DIP2B: variants seen among roughly 807,000 people sequenced by gnomAD.
DIP2B encodes the protein disco-interacting protein 2 homolog B.
Under a neutral mutation model 198.0 loss-of-function variants are expected in DIP2B, and 76 were observed. The ratio of observed to expected loss-of-function variants is 0.38; its 90% CI spans 0.32 to 0.46. The LOEUF is 0.46. Ranked by LOEUF, DIP2B falls within the 20% of genes least tolerant of loss-of-function variation. The probability of loss-of-function intolerance (pLI) is 0.99; values close to 1 mark genes in which losing one functional copy is unlikely to be tolerated. For synonymous variants in DIP2B, 701 were observed against 739.1 expected, an observed-to-expected ratio of 0.95 and a Z score of 0.84; for missense variants, 1,559 against 1,978.4, an observed-to-expected ratio of 0.79 and a Z score of 4.02.
intron 1 of DIP2B, among the ~76,000 whole-genome samples, chr12:50,566,493 T>C (rs1054535674): frequency 2.0e-5 from 3 of 152,224 alleles, no homozygotes; most frequent in Admixed American, 6.5e-5. Flanking sequence ...TCTGTGAATT[T>C]ATGTTTTCCA....
At chr12:50,563,272 C>T (rs1958535215) in intron 1 of DIP2B, among the ~76,000 whole-genome samples, 1 of 151,996 alleles carries the variant, frequency 6.6e-6, no homozygotes, top group Non-Finnish European at 1.5e-5. Flanking sequence ...CTGCAGTCTG[C>T]CCCGCCTGGG....
At chr12:50,587,802 T>A (rs1223022190) in intron 1 of DIP2B, among the ~76,000 whole-genome samples, 1 of 152,236 alleles carries the variant, frequency 6.6e-6, no homozygotes, top group East Asian at 1.9e-4. Context: ...CTGGTTCTTT[T>A]GAATTTATCA....
chr12:50,715,867 T>A (rs1201264673), intron 23 of DIP2B, among the ~76,000 whole-genome samples: 3 of 152,360 alleles, frequency 2.0e-5, no homozygotes, highest in East Asian at 3.9e-4. Context: ...CTGGAATTGA[T>A]AACTAGCAGT....
chr12:50,519,260 TTTC>T (rs1958094146), intron 1 of DIP2B, among the ~76,000 whole-genome samples: 1 of 152,174 alleles, frequency 6.6e-6, no homozygotes, highest in Non-Finnish European at 1.5e-5. Context: ...TTTTATTTCT[TTTC>T]TTATTTCTTA....
intron 1 of DIP2B, among the ~76,000 whole-genome samples, chr12:50,514,063 G>A (rs1593568814): frequency 1.0e-5 from 1 of 97,554 alleles, no homozygotes; most frequent in South Asian, 3.8e-4. Context: ...TCACTCAGTT[G>A]TCTTTTTTTT....
At chr12:50,522,727 C>T (rs943373051) in intron 1 of DIP2B, among the ~76,000 whole-genome samples, 4 of 151,968 alleles carry the variant, frequency 2.6e-5, no homozygotes, top group Non-Finnish European at 2.9e-5. Context: ...TTGAGAATGA[C>T]AAGGAATGTG....
chr12:50,721,249 G>A (rs370133001), intron 25 of DIP2B, 24 bp from the exon 26 acceptor site: 40 of 1,610,796 alleles, frequency 2.5e-5, no homozygotes, highest in Admixed American at 8.4e-5. Flanking sequence ...GCTTTGACCC[G>A]CTTATCCTTT....
intron 20 of DIP2B, among the ~76,000 whole-genome samples, chr12:50,704,722 T>A (rs1008418623): frequency 3.9e-5 from 6 of 152,192 alleles, no homozygotes; most frequent in African/African-American, 1.4e-4. Flanking sequence ...CCCAGCACTT[T>A]GGGAGGCCGA....
Position 50,671,394 on chromosome 12 carries a change from A to G in DIP2B, c.636A>G (p.Arg212=). ...GSLADVFANT[R]IENFSAPPDV... ...TAGCTGATGTATTTGCCAATACTCG[A>G]ATAGGTAGGAGCTGGATCTACCCAA... is the stretch of plus-strand genomic sequence containing the variant. Residue 212 remains arginine (R), a synonymous_variant, in exon 5 of 38, where the codon CGA becomes CGG. Coordinates refer to ENST00000301180, the MANE Select transcript of DIP2B (RefSeq NM_173602.3). 6.2e-7 allele frequency: 1 copy of G among 1,614,152 alleles called. No homozygotes were observed. Among genetic ancestry groups the G allele is most frequent in the Non-Finnish European group, 8.5e-7 (1 of 1,180,006 alleles).
intron 1 of DIP2B, among the ~76,000 whole-genome samples, chr12:50,607,507 C>G (rs955103332): frequency 1.3e-5 from 2 of 152,168 alleles, no homozygotes; most frequent in African/African-American, 4.8e-5. Flanking sequence ...ATTTTTCTTC[C>G]TTTCCTTTTC....
intron 1 of DIP2B, among the ~76,000 whole-genome samples, chr12:50,578,415 A>G (rs1958682593): frequency 6.6e-6 from 1 of 152,130 alleles, no homozygotes; most frequent in African/African-American, 2.4e-5. Context: ...CGTACCTTCT[A>G]AATTTTGACA....
chr12:50,728,246 G>C (rs1241210398), intron 29 of DIP2B, among the ~76,000 whole-genome samples: 6 of 152,078 alleles, frequency 3.9e-5, no homozygotes, highest in Non-Finnish European at 7.4e-5. Flanking sequence ...GGGCGTGGTG[G>C]TGCGTGCCTG....
chr12:50,589,654 A>T (rs1958802004), intron 1 of DIP2B, among the ~76,000 whole-genome samples: 1 of 152,084 alleles, frequency 6.6e-6, no homozygotes, highest in Non-Finnish European at 1.5e-5. Flanking sequence ...TATCTGAAGA[A>T]CTGCAAGAAT....
At chr12:50,702,116 G>A (rs967446502) in intron 19 of DIP2B, among the ~76,000 whole-genome samples, 26 of 152,096 alleles carry the variant, frequency 1.7e-4, no homozygotes, top group Non-Finnish European at 2.8e-4. Context: ...TTGGGAGGCC[G>A]AGGCGGGCGG....
chr12:50,680,810 C>G, intron 9 of DIP2B, 47 bp downstream of exon 9: 1 of 1,457,668 alleles, frequency 6.9e-7, no homozygotes, highest in Non-Finnish European at 9.5e-7. Context: ...TTATTGTTTT[C>G]TAATATGCTA....
At chr12:50,537,732 A>C (rs1180129432) in intron 1 of DIP2B, among the ~76,000 whole-genome samples, 4 of 152,212 alleles carry the variant, frequency 2.6e-5, no homozygotes, top group Non-Finnish European at 5.9e-5. Context: ...AGGAAGCTAG[A>C]GGAGAAAGAA....
chr12:50,659,121 A>G (rs1938602805), intron 3 of DIP2B, among the ~76,000 whole-genome samples: 1 of 152,164 alleles, frequency 6.6e-6, no homozygotes, highest in Non-Finnish European at 1.5e-5. Flanking sequence ...GGCTACCTTA[A>G]ATAGCTGAGG....
intron 2 of DIP2B, among the ~76,000 whole-genome samples, chr12:50,637,336 C>T (rs758841271): frequency 6.6e-6 from 1 of 152,204 alleles, no homozygotes; most frequent in Non-Finnish European, 1.5e-5. Context: ...CTTTTCTAGT[C>T]CAGTCTCATT....
intron 1 of DIP2B, among the ~76,000 whole-genome samples, chr12:50,606,920 C>A (rs543328997): frequency 1.8e-4 from 28 of 152,150 alleles, no homozygotes; most frequent in African/African-American, 6.7e-4. Context: ...GATTCTGTCA[C>A]CTCAGCCTCC....
Sources: gnomAD v4.1 joint callset for allele counts (sites outside exome capture counted in the v4.1 genomes callset) on GRCh38, gnomAD v4.1.1 for gene constraint, MANE v1.5 for transcripts, NCBI Gene and HGNC (gene_info 2026-07-23, HGNC 2026-07-21) for gene names.